CCSER1: variants seen among roughly 807,000 people sequenced by gnomAD.
The protein encoded by CCSER1 is coiled-coil serine rich protein 1, also known as serine-rich coiled-coil domain-containing protein 1.
Under a neutral mutation model 82.0 loss-of-function variants are expected in CCSER1, and 41 were observed. The ratio of observed to expected loss-of-function variants is 0.50; its 90% CI spans 0.39 to 0.65. The LOEUF (loss-of-function observed/expected upper bound fraction) is 0.65, where lower values mean the gene tolerates loss of function less well. CCSER1 is among the 30% of genes least tolerant of loss of function. The pLI is 0.00. For missense variants in CCSER1, 1,119 were observed against 1,064.2 expected, an observed-to-expected ratio of 1.05 and a Z score of -0.72; for synonymous variants, 414 against 383.9, an observed-to-expected ratio of 1.08 and a Z score of -0.92.
intron 10 of CCSER1, among the ~76,000 whole-genome samples, chr4:91,427,660 T>C (rs1264392054): frequency 6.6e-6 from 1 of 152,124 alleles, no homozygotes; most frequent in Non-Finnish European, 1.5e-5. Context: ...AGAATGGTTG[T>C]GAGGATTAAC....
chr4:90,525,775 A>T (rs1314677235), intron 5 of CCSER1, among the ~76,000 whole-genome samples: 1 of 152,040 alleles, frequency 6.6e-6, no homozygotes, highest in African/African-American at 2.4e-5. Flanking sequence ...AGTAGTTGGG[A>T]TCACAGGCAC....
intron 9 of CCSER1, among the ~76,000 whole-genome samples, chr4:91,021,751 A>C (rs1739994101): frequency 6.6e-6 from 1 of 152,210 alleles, no homozygotes; most frequent in Non-Finnish European, 1.5e-5. Flanking sequence ...CCACGAATTA[A>C]TCATACAGCA....
intron 10 of CCSER1, among the ~76,000 whole-genome samples, chr4:91,440,889 C>T (rs1019067577): frequency 1.2e-4 from 18 of 151,980 alleles, no homozygotes; most frequent in Admixed American, 2.0e-4. Context: ...ATAAATTCCT[C>T]GACACATACA....
At chr4:90,829,706 G>A (rs971776531) in intron 8 of CCSER1, among the ~76,000 whole-genome samples, 2 of 152,160 alleles carry the variant, frequency 1.3e-5, no homozygotes, top group African/African-American at 4.8e-5. Flanking sequence ...AGGGACCCAA[G>A]TGCACACCTG....
chr4:90,408,632 T>TACGTC (rs1754143378), intron 4 of CCSER1, among the ~76,000 whole-genome samples: 1 of 152,176 alleles, frequency 6.6e-6, no homozygotes. Context: ...AACCCATCTG[T>TACGTC]ACGTCACCAT....
At position 91,151,521 on chromosome 4, in the gene CCSER1, G is replaced by C. The variant is rs113964316; in HGVS notation, c.2217+65527G>C. On this transcript the variant is annotated intron_variant, in intron 10 of 10. Transcript: ENST00000509176. ...TATTTCTTACCTTCTGCTCGCTTTT[G>C]AATGTATTTGCTCTTGCTTCTCTAG... Among the ~76,000 whole-genome samples, 1,513 of 152,102 alleles carry C rather than the reference G, an allele frequency of 9.9e-3. 21 individuals are homozygous for C. Among genetic ancestry groups the C allele is most frequent in the African/African-American group, 0.034 (1,390 of 41,482 alleles).
intron 7 of CCSER1, among the ~76,000 whole-genome samples, chr4:90,739,365 T>TC: frequency 6.6e-6 from 1 of 152,174 alleles, no homozygotes; most frequent in African/African-American, 2.4e-5. Flanking sequence ...CTCTTTACTT[T>TC]CCCCCTCCTC....
At chr4:90,833,464 A>G (rs1174445430) in intron 8 of CCSER1, among the ~76,000 whole-genome samples, 1 of 152,282 alleles carries the variant, frequency 6.6e-6, no homozygotes, top group East Asian at 1.9e-4. Flanking sequence ...CTCTGAAGTT[A>G]TGGAGCCTAC....
intron 9 of CCSER1, among the ~76,000 whole-genome samples, chr4:91,026,695 A>T (rs1740517378): frequency 6.6e-6 from 1 of 152,020 alleles, no homozygotes; most frequent in Non-Finnish European, 1.5e-5. Context: ...ATTAAACTTC[A>T]TTAGGTACCA....
intron 6 of CCSER1, among the ~76,000 whole-genome samples, chr4:90,660,305 G>A (rs1359098659): frequency 1.3e-5 from 2 of 151,972 alleles, no homozygotes; most frequent in Non-Finnish European, 2.9e-5. Flanking sequence ...ATGGACAAAT[G>A]TGTAAAGAAA....
rs570914954 is a variant in CCSER1 at position 91,204,921 on chromosome 4, TTAAG to T, written c.2217+118931_2217+118934del. ...ATGAAATTAAACATTTTTATGATCT[TTAAG>T]TAACAATAAAATGCAGCACTTAAAA... On this transcript the variant is annotated intron_variant, in intron 10 of 10. Transcript: ENST00000509176. Among the ~76,000 whole-genome samples, 371 of 151,860 alleles carry T rather than the reference TTAAG, an allele frequency of 2.4e-3. 3 individuals are homozygous for T. Among genetic ancestry groups the T allele is most frequent in the African/African-American group, 8.1e-3 (338 of 41,532 alleles).
chr4:90,449,568 CA>C (rs1761148442), intron 4 of CCSER1, among the ~76,000 whole-genome samples: 1 of 152,238 alleles, frequency 6.6e-6, no homozygotes, highest in African/African-American at 2.4e-5. Flanking sequence ...GAGCTGCCCA[CA>C]ACCCTTCCCT....
intron 10 of CCSER1, among the ~76,000 whole-genome samples, chr4:91,437,458 C>A (rs188443680): frequency 5.8e-4 from 88 of 152,232 alleles, no homozygotes; most frequent in African/African-American, 1.9e-3. Context: ...CAGAGCCTCA[C>A]GATCTCAGAA....
At chr4:90,340,395 CTT>C (rs1182527074) in intron 3 of CCSER1, among the ~76,000 whole-genome samples, 2 of 152,064 alleles carry the variant, frequency 1.3e-5, no homozygotes, top group Admixed American at 6.5e-5. Flanking sequence ...TAATGAGAGA[CTT>C]TTGTTTTCTT....
rs188163788 is a variant in CCSER1, at chr4:90,800,509, T to C, written c.2011-15253T>C. On this transcript the variant is annotated intron_variant, in intron 7 of 10. Coordinates refer to ENST00000509176, the MANE Select transcript of CCSER1 (RefSeq NM_001145065.2). ...GGTAGAATATGGCATTTCCTAGCTATCTCCTCTGGGAAACAAAAATGCTGG... is the reference window on the plus strand; with the variant it reads ...GGTAGAATATGGCATTTCCTAGCTACCTCCTCTGGGAAACAAAAATGCTGG... Among the ~76,000 whole-genome samples, 21 of 152,314 alleles carry C rather than the reference T, an allele frequency of 1.4e-4. No homozygotes were observed. In the East Asian group the frequency reaches 3.3e-3, roughly 24 times the overall value.
intron 1 of CCSER1, among the ~76,000 whole-genome samples, chr4:90,159,873 A>G (rs1041244308): frequency 6.6e-6 from 1 of 152,212 alleles, no homozygotes; most frequent in African/African-American, 2.4e-5. Flanking sequence ...ATGCCAAGCC[A>G]TTTTTACTCT....
At chr4:90,822,418 G>A (rs959261448) in intron 8 of CCSER1, among the ~76,000 whole-genome samples, 1 of 152,010 alleles carries the variant, frequency 6.6e-6, no homozygotes, top group Non-Finnish European at 1.5e-5. Flanking sequence ...AGCTTTCTAT[G>A]TCTATTTCTG....
chr4:90,663,909 A>T (rs6843110), intron 6 of CCSER1: 164,122 of 346,276 alleles, frequency 0.47, 39,887 homozygotes, highest in Middle Eastern at 0.6. Context: ...TTCTAGTTGT[A>T]TGAAAGTGAA....
At chr4:90,583,322 C>A (rs140707600) in intron 5 of CCSER1, among the ~76,000 whole-genome samples, 1,880 of 152,154 alleles carry the variant, frequency 0.012, 36 homozygotes, top group African/African-American at 0.043. Context: ...CCCGCCACTA[C>A]GCCTGGCTAA....
Sources: gnomAD v4.1 joint callset for allele counts (sites outside exome capture counted in the v4.1 genomes callset) on GRCh38, gnomAD v4.1.1 for gene constraint, MANE v1.5 for transcripts, NCBI Gene and HGNC (gene_info 2026-07-23, HGNC 2026-07-21) for gene names.